UNC13A: variants seen among roughly 807,000 people sequenced by gnomAD.
The protein encoded by UNC13A is unc-13 homolog A, also known as protein unc-13 homolog A.
UNC13A carries 61 observed loss-of-function variants against 219.7 expected under a neutral mutation model. The ratio of observed to expected loss-of-function variants is 0.28; its 90% CI spans 0.23 to 0.34. The LOEUF is 0.34. Among genes scored for constraint, UNC13A ranks in the 10% least tolerant of loss-of-function variants. UNC13A has a pLI of 1.00. For missense variants in UNC13A, 1,476 were observed against 2,270.3 expected, an observed-to-expected ratio of 0.65 and a Z score of 7.11; for synonymous variants, 920 against 884.6, an observed-to-expected ratio of 1.04 and a Z score of -0.71.
rs939096687 is a variant in UNC13A, at chr19:17,649,243, G to C, written c.1524+96C>G. ...ATCCAACACAGTGGGACATGGCAAGGTTCCCCCATAATCCATGAATTGGGG... is the reference window on the plus strand; with the variant it reads ...ATCCAACACAGTGGGACATGGCAAGCTTCCCCCATAATCCATGAATTGGGG... On this transcript the variant is annotated intron_variant, in intron 14 of 43. Coordinates refer to ENST00000519716, the MANE Select transcript of UNC13A (RefSeq NM_001080421.3). This position sits in a 1 kb window ranked among gnomAD's most constrained non-coding sequence, Gnocchi z 4.4. 5 of 1,522,828 alleles carry C rather than the reference G, an allele frequency of 3.3e-6. No homozygotes were observed. The highest frequency in any genetic ancestry group is 4.4e-6 in the Non-Finnish European group (5 of 1,134,586). 94.3% of individuals were successfully genotyped at this position (1,522,828 alleles called of 1,614,324 possible).
intron 5 of UNC13A, among the ~76,000 whole-genome samples, 194 bp from the exon 6 acceptor site, chr19:17,668,384 G>A (rs909746786): frequency 2.0e-5 from 3 of 152,150 alleles, no homozygotes; most frequent in African/African-American, 7.2e-5. Flanking sequence ...TGCCTCTGAC[G>A]CCCCTCTTCC....
Position 17,656,114 on chromosome 19 carries a change from A to T in UNC13A, c.1052T>A (p.Val351Glu), listed in dbSNP as rs1568530602. 1.4e-6 allele frequency: 2 copies of T among 1,480,120 alleles called. No homozygotes were observed. The allele number at this position is 1,480,120 out of a possible 1,614,324, so 91.7% of individuals were successfully genotyped here. ...EEELEEEEEE[V>E]PDDLGSYAQR... The stretch of plus-strand genomic sequence containing the variant: ...GGCATAGCTGCCCAAATCGTCAGGC[A>T]CCTCCTCCTCCTCCTCCTCCAGCTC... Residue 351 changes from valine (V) to glutamate (E), a missense_variant, in exon 10 of 44, where the codon GTG (valine) becomes GAG (glutamate). Physicochemically the swap from Val to Glu is moderately radical, Grantham distance 121. Coordinates refer to ENST00000519716, the MANE Select transcript of UNC13A (RefSeq NM_001080421.3).
intron 20 of UNC13A, among the ~76,000 whole-genome samples, chr19:17,641,999 C>T (rs934030438): frequency 1.3e-5 from 2 of 150,832 alleles, no homozygotes; most frequent in Non-Finnish European, 1.5e-5. Flanking sequence ...CATTCATCCA[C>T]CCACCCATTC....
intron 39 of UNC13A, 150 bp from the exon 40 acceptor site, chr19:17,618,651 A>T: frequency 1.2e-6 from 1 of 828,846 alleles, no homozygotes; most frequent in Non-Finnish European, 1.9e-6. Flanking sequence ...ACTGGTACAC[A>T]GCAGGTGCTC....
intron 1 of UNC13A, among the ~76,000 whole-genome samples, chr19:17,677,614 G>A (rs528988940): frequency 2.6e-4 from 39 of 152,208 alleles, no homozygotes; most frequent in African/African-American, 9.2e-4. Flanking sequence ...TGATCCATCC[G>A]CCTTGGCCTC....
At position 17,630,346 on chromosome 19, in the gene UNC13A, GC is replaced by G. The variant is rs1959773336; in HGVS notation, c.3526-59del. 3.2e-6 allele frequency: 5 copies of G among 1,545,092 alleles called. No homozygotes were observed. The Admixed American group carries it at 9.9e-5, about 31-fold the overall frequency. ...AGATCAGCACCAGAGAATCCCTAGAGCCCAACTCTCCCACTCTCCACGGGGA... is the reference window on the plus strand; with the variant it reads ...AGATCAGCACCAGAGAATCCCTAGAGCCAACTCTCCCACTCTCCACGGGGA... On this transcript the variant is annotated intron_variant, in intron 29 of 43. Coordinates refer to ENST00000519716, the MANE Select transcript of UNC13A (RefSeq NM_001080421.3).
chr19:17,647,344 C>G lies in UNC13A; in HGVS notation c.1965G>C (p.Ala655=). ...TGACCGCCTTCATCTGCTGCGTGTG[C>G]GCCGTCTTGGTCACCGCGAAGATCT... ...IQEIFAVTKT[A]HTQQMKAVKQ... Residue 655 remains alanine (A), a synonymous_variant, in exon 17 of 44, where the codon GCG becomes GCC. Coordinates refer to ENST00000519716, the MANE Select transcript of UNC13A (RefSeq NM_001080421.3). 1 of 1,612,846 alleles carries G rather than the reference C, an allele frequency of 6.2e-7. No homozygotes were observed. The highest frequency in any genetic ancestry group is 1.1e-5 in the South Asian group (1 of 90,918).
At chr19:17,648,283 G>T (rs959666924) in intron 16 of UNC13A, 148 bp downstream of exon 16, 2 of 566,016 alleles carry the variant, frequency 3.5e-6, no homozygotes, top group South Asian at 8.0e-5. Context: ...CCCTTTCAGC[G>T]AGTCCCTCCC....
At chr19:17,663,799 T>G (rs1034512515) in intron 7 of UNC13A, among the ~76,000 whole-genome samples, 1 of 152,042 alleles carries the variant, frequency 6.6e-6, no homozygotes, top group Non-Finnish European at 1.5e-5. Context: ...TTTTCTTTTC[T>G]TTAATTTTTT....
Position 17,688,233 on chromosome 19 carries a change from G to A in UNC13A, c.-34C>T, listed in dbSNP as rs1206242077. The A allele has an allele frequency of 9.4e-6, 14 of 1,482,552 alleles. No homozygotes were observed. The highest frequency in any genetic ancestry group is 2.6e-5 in the South Asian group (2 of 76,396). The allele number at this position is 1,482,552 out of a possible 1,614,324, so 91.8% of individuals were successfully genotyped here. A position where few individuals can be genotyped will look rare whatever the true frequency, so the allele number is the denominator to read the frequency against. ...GCTCGCAGGTGGGCCGGAGGCGGCC[G>A]GGCCGGCTCTGTCGGGTCGGGCTCA... On this transcript the variant is annotated 5_prime_UTR_variant, in exon 1 of 44. Coordinates refer to ENST00000519716, the MANE Select transcript of UNC13A (RefSeq NM_001080421.3).
At chr19:17,678,617 C>T (rs539319241) in intron 1 of UNC13A, among the ~76,000 whole-genome samples, 1 of 152,148 alleles carries the variant, frequency 6.6e-6, no homozygotes, top group East Asian at 1.9e-4. Context: ...TCCTCAGCCC[C>T]ACCCAGCCCC....
chr19:17,610,331 T>G (rs947602784), intron 42 of UNC13A, among the ~76,000 whole-genome samples: 2 of 152,016 alleles, frequency 1.3e-5, no homozygotes, highest in African/African-American at 4.8e-5. Flanking sequence ...CTGGGCGTGG[T>G]GGCACGCGCC....
intron 41 of UNC13A, among the ~76,000 whole-genome samples, chr19:17,613,344 G>C (rs183830539): frequency 6.6e-6 from 1 of 152,136 alleles, no homozygotes; most frequent in Non-Finnish European, 1.5e-5. Context: ...AGCTGGTTGA[G>C]GCTGCAGTGA....
intron 28 of UNC13A, among the ~76,000 whole-genome samples, chr19:17,631,622 G>A (rs567575737): frequency 1.1e-4 from 16 of 152,288 alleles, no homozygotes; most frequent in South Asian, 4.1e-4. Flanking sequence ...CGGCGGCACC[G>A]TACTATCCTC....
intron 38 of UNC13A, among the ~76,000 whole-genome samples, chr19:17,619,357 TTCC>T (rs3049773): frequency 0.058 from 8,853 of 151,660 alleles, 361 homozygotes; most frequent in South Asian, 0.12. Flanking sequence ...GGTCAAACAC[TTCC>T]TCCTCCTCAA....
intron 1 of UNC13A, among the ~76,000 whole-genome samples, chr19:17,684,616 T>C (rs73924313): frequency 0.11 from 17,066 of 152,240 alleles, 1,712 homozygotes; most frequent in African/African-American, 0.27. Context: ...CGGGCAGAGA[T>C]AAGGCCCATA....
rs376896812 is a variant in UNC13A at position 17,674,789 on chromosome 19, G to T, written c.53-33C>A. The T allele has an allele frequency of 3.8e-6, 6 of 1,568,704 alleles. No individual in the cohort carries two copies. In the African/African-American group the frequency reaches 5.4e-5, roughly 14 times the overall value. ...AGTGAGAGTAGGGGTCAGCGCTGGGGCTCAGGGACTCTCCAATGCCCCTTC... is the reference window on the plus strand; with the variant it reads ...AGTGAGAGTAGGGGTCAGCGCTGGGTCTCAGGGACTCTCCAATGCCCCTTC... On this transcript the variant is annotated intron_variant, in intron 2 of 43. Coordinates refer to ENST00000519716, the MANE Select transcript of UNC13A (RefSeq NM_001080421.3). The surrounding 1 kb of genome is among the most constrained non-coding windows in gnomAD (Gnocchi z 5.0).
At chr19:17,624,035 A>G (rs536320227) in intron 35 of UNC13A, among the ~76,000 whole-genome samples, 1 of 151,024 alleles carries the variant, frequency 6.6e-6, no homozygotes, top group Non-Finnish European at 1.5e-5. Flanking sequence ...TTGATCTCTG[A>G]TGTCTGAAGT....
In UNC13A at chr19:17,666,682, T is replaced by C; in HGVS notation, c.491A>G (p.Asp164Gly). 1 of 1,527,972 alleles carries C rather than the reference T, an allele frequency of 6.5e-7. No homozygotes were observed. Among genetic ancestry groups the C allele is most frequent in the Non-Finnish European group, 8.8e-7 (1 of 1,136,020 alleles). 94.7% of individuals were successfully genotyped at this position (1,527,972 alleles called of 1,614,324 possible). Reference protein sequence around the residue: ...QDEYSFQDEQDKPLPVPSNQC... With the variant: ...QDEYSFQDEQGKPLPVPSNQC... Reference sequence around the variant, plus strand: ...GTTGCTGGGGACAGGCAGAGGCTTGTCTTGCTCATCTTGGAACGAATACTG... The same window carrying C: ...GTTGCTGGGGACAGGCAGAGGCTTGCCTTGCTCATCTTGGAACGAATACTG... Residue 164 changes from aspartate (D) to glycine (G), a missense_variant, in exon 7 of 44, where the codon GAC (aspartate) becomes GGC (glycine). Asp to Gly is a moderately conservative substitution (Grantham distance 94). Coordinates refer to ENST00000519716, the MANE Select transcript of UNC13A (RefSeq NM_001080421.3).
Sources: gnomAD v4.1 joint callset for allele counts (sites outside exome capture counted in the v4.1 genomes callset) on GRCh38, gnomAD v4.1.1 for gene constraint, Gnocchi (gnomAD v3.1) non-coding constraint, MANE v1.5 for transcripts, NCBI Gene and HGNC (gene_info 2026-07-23, HGNC 2026-07-21) for gene names.